The following RBFOX1 variants were observed in gnomAD, a reference collection of about 807,000 sequenced individuals.
RBFOX1 encodes RNA binding protein fox-1 homolog 1.
Under a neutral mutation model 57.7 loss-of-function variants are expected in RBFOX1, and 8 were observed. The observed-to-expected ratio is 0.14, with a 90% CI of 0.08 to 0.25. The LOEUF (loss-of-function observed/expected upper bound fraction) is 0.25. RBFOX1 is among the 10% of genes least tolerant of loss of function. The pLI, the probability that RBFOX1 is intolerant of heterozygous loss-of-function variation, is 1.00. For synonymous variants in RBFOX1, 326 were observed against 222.4 expected (o/e 1.47, Z -4.15); for missense variants, 611 against 548.5 (o/e 1.11, Z -1.14).
At chr16:7,510,086 G>C (rs1311478879) in intron 4 of RBFOX1, 16 of 969,360 alleles carry the variant, frequency 1.7e-5, no homozygotes, top group Non-Finnish European at 2.0e-5. Context: ...CTTCCTGGCA[G>C]AAAAAGTGCC....
At chr16:7,376,524 A>G (rs898116973) in intron 4 of RBFOX1, among the ~76,000 whole-genome samples, 3 of 152,156 alleles carry the variant, frequency 2.0e-5, no homozygotes, top group African/African-American at 7.2e-5. Context: ...TGTGTCTGTG[A>G]TAAGTCCCTA....
At chr16:7,123,703 T>C (rs1038025716) in intron 4 of RBFOX1, among the ~76,000 whole-genome samples, 5 of 152,158 alleles carry the variant, frequency 3.3e-5, no homozygotes, top group Admixed American at 1.3e-4. Context: ...GGAGCTAGTT[T>C]AGGGGAAATA....
chr16:7,585,625 C>G (rs181991194), intron 6 of RBFOX1, among the ~76,000 whole-genome samples: 7 of 152,150 alleles, frequency 4.6e-5, no homozygotes, highest in African/African-American at 1.4e-4. Context: ...GAATGACAAA[C>G]TTTTGGTTAC....
At chr16:6,458,817 C>G (rs1013600264) in intron 2 of RBFOX1, among the ~76,000 whole-genome samples, 1 of 152,206 alleles carries the variant, frequency 6.6e-6, no homozygotes, top group African/African-American at 2.4e-5. Flanking sequence ...ACAAACACAT[C>G]ATATCAAATG....
chr16:7,113,564 G>A (rs528166700), intron 4 of RBFOX1, among the ~76,000 whole-genome samples: 23 of 152,164 alleles, frequency 1.5e-4, no homozygotes, highest in African/African-American at 4.8e-4. Flanking sequence ...TTATGCACCC[G>A]CACCATTGGA....
At chr16:7,287,881 GCTT>G (rs1283219185) in intron 4 of RBFOX1, among the ~76,000 whole-genome samples, 1 of 152,102 alleles carries the variant, frequency 6.6e-6, no homozygotes. Context: ...GCATTTTTCT[GCTT>G]CTTAAGCTGT....
chr16:6,798,024 GTGA>G (rs1278482957), intron 3 of RBFOX1, among the ~76,000 whole-genome samples: 2 of 152,042 alleles, frequency 1.3e-5, no homozygotes, highest in African/African-American at 4.8e-5. Flanking sequence ...GATGATGATG[GTGA>G]TGATGAAGTT....
intron 4 of RBFOX1, among the ~76,000 whole-genome samples, chr16:7,244,115 C>T (rs1238156128): frequency 2.0e-5 from 3 of 151,800 alleles, no homozygotes; most frequent in Non-Finnish European, 4.4e-5. Context: ...CAGTCTACAG[C>T]TCAATCTTAA....
intron 1 of RBFOX1, among the ~76,000 whole-genome samples, chr16:5,411,959 C>G (rs114637169): frequency 1.1e-3 from 160 of 152,284 alleles, no homozygotes; most frequent in African/African-American, 3.8e-3. Context: ...TTAAACTCAA[C>G]AGATCTCACT....
rs1042076684 is a variant in RBFOX1 at position 6,881,398 on chromosome 16, C to A, written c.-15-170659C>A. On this transcript the variant is annotated intron_variant, in intron 3 of 15. Transcript: ENST00000550418. Reference sequence around the variant, plus strand: ...CTCACAGTTCTGCAGACTAGAAGTCCAGAATGAAGGTGTTGGCAAGATTGG... The same window carrying A: ...CTCACAGTTCTGCAGACTAGAAGTCAAGAATGAAGGTGTTGGCAAGATTGG... Among the ~76,000 whole-genome samples the A allele has an allele frequency of 1.7e-4, 26 of 152,090 alleles. 1 individual carries two copies. The highest frequency in any genetic ancestry group is 1.5e-5 in the Non-Finnish European group (1 of 68,020).
At position 7,094,161 on chromosome 16, in the gene RBFOX1, G is replaced by C. The variant is rs80274024; in HGVS notation, c.27+42063G>C. 2.6e-3 allele frequency among the ~76,000 whole-genome samples: 394 copies of C among 151,610 alleles called. 1 individual carries two copies. The highest frequency in any genetic ancestry group is 9.0e-3 in the African/African-American group (371 of 41,294). On this transcript the variant is annotated intron_variant, in intron 4 of 15. Coordinates refer to ENST00000550418, the MANE Select transcript of RBFOX1 (RefSeq NM_018723.4). ...CTTTAGAAAATTTTCCAAACCTTCAGACAAATACTTGATCAAATGATGCGG... is the reference window on the plus strand; with the variant it reads ...CTTTAGAAAATTTTCCAAACCTTCACACAAATACTTGATCAAATGATGCGG...
intron 2 of RBFOX1, among the ~76,000 whole-genome samples, chr16:6,591,404 A>G (rs1184159910): frequency 1.3e-5 from 2 of 152,128 alleles, no homozygotes; most frequent in East Asian, 3.9e-4. Context: ...CAGTGAGCTG[A>G]GATTGTACTA....
intron 7 of RBFOX1, among the ~76,000 whole-genome samples, chr16:7,592,579 C>G (rs2094499481): frequency 1.3e-5 from 2 of 152,136 alleles, no homozygotes; most frequent in South Asian, 4.1e-4. Flanking sequence ...TATGGATTTT[C>G]TTTTCTTGCC....
At chr16:7,556,250 A>C (rs2088428583) in intron 5 of RBFOX1, among the ~76,000 whole-genome samples, 1 of 152,158 alleles carries the variant, frequency 6.6e-6, no homozygotes, top group African/African-American at 2.4e-5. Flanking sequence ...GAGAGCCCAG[A>C]TTCGAACTTG....
At chr16:6,793,058 C>G (rs532046219) in intron 3 of RBFOX1, among the ~76,000 whole-genome samples, 3 of 151,500 alleles carry the variant, frequency 2.0e-5, no homozygotes, top group African/African-American at 7.3e-5. Flanking sequence ...AGCGATAATG[C>G]TGTACATCTG....
chr16:7,253,466 G>A (rs1369064993), intron 4 of RBFOX1, among the ~76,000 whole-genome samples: 1 of 152,098 alleles, frequency 6.6e-6, no homozygotes, highest in Admixed American at 6.6e-5. Context: ...CGAGACTTCA[G>A]GATCAATCCT....
rs2072388342 is a variant in RBFOX1, at chr16:7,504,741, A to ATATATATT, written c.28-13399_28-13398insTTATATAT. On this transcript the variant is annotated intron_variant, in intron 4 of 15. Coordinates refer to ENST00000550418, the MANE Select transcript of RBFOX1 (RefSeq NM_018723.4). The stretch of plus-strand genomic sequence containing the variant: ...TATATATATATATATATATATATAT[A>ATATATATT]TATATATATATATTTATATATATAT... Among the ~76,000 whole-genome samples, 28 of 10,272 alleles carry ATATATATT rather than the reference A, an allele frequency of 2.7e-3. 3 individuals are homozygous for ATATATATT. Among genetic ancestry groups the ATATATATT allele is most frequent in the Middle Eastern group, 0.083 (1 of 12 alleles). The allele number at this position is 10,272 out of a possible 152,430, so 6.7% of individuals were successfully genotyped here.
At chr16:5,856,174 T>C (rs1471278163) in intron 3 of RBFOX1, among the ~76,000 whole-genome samples, 1 of 63,554 alleles carries the variant, frequency 1.6e-5, no homozygotes. Context: ...TCTCTCTCTC[T>C]CTCTCTCTCT....
At chr16:6,296,073 C>T (rs2078065315) in intron 1 of RBFOX1, among the ~76,000 whole-genome samples, 1 of 152,204 alleles carries the variant, frequency 6.6e-6, no homozygotes, top group East Asian at 1.9e-4. Flanking sequence ...ATCCTTTCAG[C>T]CGTACAAGCA....
Sources: gnomAD v4.1 joint callset for allele counts (sites outside exome capture counted in the v4.1 genomes callset) on GRCh38, gnomAD v4.1.1 for gene constraint, MANE v1.5 for transcripts, NCBI Gene and HGNC (gene_info 2026-07-23, HGNC 2026-07-21) for gene names.